CEP112: variants seen among roughly 807,000 people sequenced by gnomAD.
CEP112 encodes the protein centrosomal protein 112.
In CEP112, 127 loss-of-function variants were observed where a neutral mutation model predicts 153.0. The ratio of observed to expected loss-of-function variants is 0.83; its 90% confidence interval spans 0.72 to 0.96. The LOEUF (loss-of-function observed/expected upper bound fraction) is 0.96, where lower values mean the gene tolerates loss of function less well. CEP112 is among the 40% of genes least tolerant of loss of function. The probability of loss-of-function intolerance (pLI) is 0.00; values close to 1 mark genes in which losing one functional copy is unlikely to be tolerated. For synonymous variants in CEP112, 358 were observed against 374.4 expected (o/e 0.96, Z 0.51); for missense variants, 1,089 against 1,101.2 (o/e 0.99, Z 0.16).
chr17:66,182,265 T>C (rs2072751254), intron 2 of CEP112: 1 of 152,254 alleles, frequency 6.6e-6, no homozygotes, highest in African/African-American at 2.4e-5. Context: ...GTTAATCTCA[T>C]ACTGTACCTA....
chr17:65,710,489 G>A (rs943984121), intron 23 of CEP112, among the ~76,000 whole-genome samples: 5 of 152,050 alleles, frequency 3.3e-5, no homozygotes, highest in South Asian at 2.1e-4. Context: ...ATTTGTATGC[G>A]TGTAAGACAG....
intron 21 of CEP112, among the ~76,000 whole-genome samples, chr17:65,815,329 T>C (rs1466220215): frequency 6.6e-6 from 1 of 152,124 alleles, no homozygotes. Context: ...AATTGATTGA[T>C]TATAAATGTG....
chr17:65,916,228 CTTAAA>C (rs1229091245), intron 19 of CEP112, among the ~76,000 whole-genome samples: 2 of 149,348 alleles, frequency 1.3e-5, no homozygotes, highest in Non-Finnish European at 3.0e-5. Context: ...CTCACCCTAC[CTTAAA>C]TTATGTTTTG....
At chr17:65,641,643 G>A (rs987763734) in intron 24 of CEP112, among the ~76,000 whole-genome samples, 1 of 152,136 alleles carries the variant, frequency 6.6e-6, no homozygotes, top group African/African-American at 2.4e-5. Context: ...CTACCTGGGA[G>A]GCTGAGGTGG....
chr17:65,984,071 C>T (rs932103953), intron 17 of CEP112, among the ~76,000 whole-genome samples: 1 of 152,092 alleles, frequency 6.6e-6, no homozygotes, highest in Admixed American at 6.6e-5. Context: ...ATGAGTAATG[C>T]TATCATTATC....
chr17:65,655,009 T>C, intron 24 of CEP112: 1 of 696,502 alleles, frequency 1.4e-6, no homozygotes, highest in Non-Finnish European at 2.6e-6. Flanking sequence ...AACAGGCCCT[T>C]ATCATAAATG....
intron 21 of CEP112, among the ~76,000 whole-genome samples, chr17:65,845,002 ACT>A (rs36117206): frequency 0.13 from 19,057 of 147,398 alleles, 1,280 homozygotes; most frequent in Non-Finnish European, 0.16. Flanking sequence ...ACAGAACAAG[ACT>A]CTGTCTCAAA....
At chr17:65,730,832 T>G (rs1301581828) in intron 23 of CEP112, among the ~76,000 whole-genome samples, 5 of 141,324 alleles carry the variant, frequency 3.5e-5, no homozygotes, top group African/African-American at 1.3e-4. Flanking sequence ...TACTGGCAGC[T>G]GACCTTGTCT....
chr17:65,722,266 TG>T (rs896868403), intron 23 of CEP112, among the ~76,000 whole-genome samples: 2 of 151,738 alleles, frequency 1.3e-5, no homozygotes, highest in Non-Finnish European at 2.9e-5. Flanking sequence ...TTCTGTTTTT[TG>T]AGATAGAGTC....
chr17:65,681,649 T>C (rs559292250), intron 24 of CEP112, among the ~76,000 whole-genome samples: 8 of 150,926 alleles, frequency 5.3e-5, no homozygotes, highest in African/African-American at 2.0e-4. Flanking sequence ...TAAATCTCTA[T>C]ATTCTGTGAA....
chr17:66,087,541 T>C (rs1568476407), intron 8 of CEP112, among the ~76,000 whole-genome samples: 1 of 152,136 alleles, frequency 6.6e-6, no homozygotes, highest in African/African-American at 2.4e-5. Context: ...AACACCAGGA[T>C]TATACAAGAA....
At chr17:66,034,932 G>C (rs2065649763) in intron 12 of CEP112, among the ~76,000 whole-genome samples, 1 of 144,846 alleles carries the variant, frequency 6.9e-6, no homozygotes, top group African/African-American at 2.5e-5. Flanking sequence ...CCAAGTAGCT[G>C]GGACTACAGG....
chr17:65,780,929 A>G (rs902385320), intron 21 of CEP112, among the ~76,000 whole-genome samples: 2 of 152,108 alleles, frequency 1.3e-5, no homozygotes, highest in Non-Finnish European at 2.9e-5. Context: ...AAAATTTTTT[A>G]CTTTTTGGTT....
At chr17:66,078,618 G>A (rs948472806) in intron 8 of CEP112, among the ~76,000 whole-genome samples, 4 of 152,098 alleles carry the variant, frequency 2.6e-5, no homozygotes, top group Admixed American at 1.3e-4. Flanking sequence ...ATTGAAATGT[G>A]AGGTACCATT....
chr17:65,655,468 T>C, intron 24 of CEP112: 1 of 918,152 alleles, frequency 1.1e-6, no homozygotes, highest in Non-Finnish European at 1.8e-6. Flanking sequence ...ACAGTGTTTA[T>C]GTACTCTTAG....
chr17:66,036,291 A>G (rs901887674), intron 12 of CEP112, among the ~76,000 whole-genome samples: 2 of 152,330 alleles, frequency 1.3e-5, no homozygotes, highest in East Asian at 3.9e-4. Context: ...ATATGCCAAT[A>G]ATATCGTGCC....
chr17:65,992,643 T>A (rs973375078), intron 17 of CEP112, among the ~76,000 whole-genome samples: 2 of 152,180 alleles, frequency 1.3e-5, no homozygotes. Context: ...GCAGGCATCC[T>A]TTTAGGCTAT....
intron 21 of CEP112, among the ~76,000 whole-genome samples, chr17:65,806,278 T>C (rs2055590525): frequency 6.6e-6 from 1 of 152,086 alleles, no homozygotes; most frequent in African/African-American, 2.4e-5. Flanking sequence ...TGAGAAGTAG[T>C]GTAGAGAAAA....
At chr17:66,101,056 C>T (rs181676583) in intron 6 of CEP112, among the ~76,000 whole-genome samples, 32 of 152,034 alleles carry the variant, frequency 2.1e-4, no homozygotes, top group East Asian at 1.9e-3. Context: ...GAATAAAATC[C>T]GATGTGATAT....
Sources: gnomAD v4.1 joint callset for allele counts (sites outside exome capture counted in the v4.1 genomes callset) on GRCh38, gnomAD v4.1.1 for gene constraint, MANE v1.5 for transcripts, NCBI Gene and HGNC (gene_info 2026-07-23, HGNC 2026-07-21) for gene names.